Variants in CCDC32 observed in about 807,000 individuals in gnomAD.
CCDC32 encodes coiled-coil domain-containing protein 32.
Under a neutral mutation model 20.1 loss-of-function variants are expected in CCDC32, and 9 were observed. That is an observed-to-expected ratio of 0.45 (90% CI 0.27 to 0.78). The LOEUF (loss-of-function observed/expected upper bound fraction) is 0.78. Ranked by LOEUF, CCDC32 falls within the 30% of genes least tolerant of loss-of-function variation. The probability of loss-of-function intolerance (pLI) is 0.16; values close to 1 mark genes in which losing one functional copy is unlikely to be tolerated. For missense variants in CCDC32, 204 were observed against 215.5 expected (o/e 0.95, Z 0.33); for synonymous variants, 63 against 79.0 (o/e 0.80, Z 1.07).
intron 3 of CCDC32, among the ~76,000 whole-genome samples, chr15:40,545,855 A>G (rs943827002): frequency 2.0e-5 from 3 of 152,006 alleles, no homozygotes. Context: ...TCCCATATCC[A>G]CTTCTCTCTA....
downstream of CCDC32, among the ~76,000 whole-genome samples, chr15:40,530,583 G>A (rs553195778): frequency 6.6e-6 from 1 of 150,502 alleles, no homozygotes; most frequent in Non-Finnish European, 1.5e-5. Context: ...CACTAGGTCC[G>A]CTTTGCCTTC....
downstream of CCDC32, among the ~76,000 whole-genome samples, chr15:40,550,321 T>A (rs184118278): frequency 2.5e-3 from 382 of 152,356 alleles, 2 homozygotes; most frequent in African/African-American, 8.9e-3. Context: ...ATAAGTAAGA[T>A]TCTACCAACT....
intron 3 of CCDC32, among the ~76,000 whole-genome samples, chr15:40,547,397 C>T (rs1285398455): frequency 6.6e-6 from 1 of 152,062 alleles, no homozygotes; most frequent in African/African-American, 2.4e-5. Flanking sequence ...CCTAGGCACC[C>T]GAGCTTCAGC....
intron 3 of CCDC32, among the ~76,000 whole-genome samples, chr15:40,528,988 T>G (rs537289579): frequency 2.6e-5 from 4 of 152,290 alleles, no homozygotes; most frequent in African/African-American, 9.6e-5. Flanking sequence ...GGGGACCCAG[T>G]AGGCAGCTAA....
chr15:40,542,607 G>A (rs958483515), intron 3 of CCDC32, among the ~76,000 whole-genome samples: 1 of 152,230 alleles, frequency 6.6e-6, no homozygotes, highest in African/African-American at 2.4e-5. Context: ...AGTGGCTCAT[G>A]CCTGTAATCC....
At chr15:40,521,646 C>G in the CCDC32 span, among the ~76,000 whole-genome samples, 1 of 152,254 alleles carries the variant, frequency 6.6e-6, no homozygotes, top group Admixed American at 6.5e-5. Flanking sequence ...CTCGCAGACT[C>G]TTGTTATTGT....
Position 40,563,025 on chromosome 15 carries a change from G to C in CCDC32, c.-10C>G. On this transcript the variant is annotated splice_region_variant and 5_prime_UTR_variant, in exon 2 of 4. Transcript: ENST00000416810. ...TCTCAAACATTTTCATTTGGAATCT[G>C]AGCTATAAAACAGAAGCTCAAGTGA... is the stretch of plus-strand genomic sequence containing the variant. 2 of 1,613,296 alleles carry C rather than the reference G, an allele frequency of 1.2e-6. No homozygotes were observed. Among genetic ancestry groups the C allele is most frequent in the Non-Finnish European group, 1.7e-6 (2 of 1,179,842 alleles).
At chr15:40,551,564 A>G (rs1310850647), downstream of CCDC32, among the ~76,000 whole-genome samples, 1 of 152,040 alleles carries the variant, frequency 6.6e-6, no homozygotes, top group African/African-American at 2.4e-5. Flanking sequence ...CTGCCAATAA[A>G]ATGCAGTAGG....
chr15:40,523,672 A>C, the CCDC32 span, among the ~76,000 whole-genome samples: 3 of 152,204 alleles, frequency 2.0e-5, no homozygotes, highest in Admixed American at 1.3e-4. Flanking sequence ...ATTAAATAGG[A>C]TATAAAAAGG....
chr15:40,532,530 C>T (rs1888919066), downstream of CCDC32, among the ~76,000 whole-genome samples: 1 of 152,146 alleles, frequency 6.6e-6, no homozygotes, highest in African/African-American at 2.4e-5. Flanking sequence ...AGCCCATCAT[C>T]TTGTCTCCTT....
downstream of CCDC32, among the ~76,000 whole-genome samples, chr15:40,533,452 C>T (rs572811004): frequency 3.3e-5 from 5 of 152,170 alleles, no homozygotes; most frequent in African/African-American, 1.2e-4. Context: ...TGGGTTCAAG[C>T]GATTCTCCTG....
At chr15:40,532,310 A>C, downstream of CCDC32, 2 of 702,986 alleles carry the variant, frequency 2.8e-6, no homozygotes, top group Non-Finnish European at 5.2e-6. Flanking sequence ...CACCTGGAAA[A>C]GAAGAGTACG....
rs375433457 is a variant in CCDC32, at chr15:40,564,976, C to G, written c.-13G>C. 1.4e-5 allele frequency: 9 copies of G among 622,162 alleles called. No homozygotes were observed. In the South Asian group the frequency reaches 1.6e-4, roughly 11 times the overall value. 38.5% of individuals were successfully genotyped at this position (622,162 alleles called of 1,614,324 possible). A position where few individuals can be genotyped will look rare whatever the true frequency, so the allele number is the denominator to read the frequency against. ...GGCACCCCAGCCCCTCCTCACTTAC[C>G]GTAACAGCTGCCCAGTAAACGCTTG... On this transcript the variant is annotated splice_region_variant and 5_prime_UTR_variant, in exon 1 of 4. Coordinates refer to ENST00000416810, the MANE Select transcript of CCDC32 (RefSeq NM_001080792.4).
downstream of CCDC32, chr15:40,534,998 C>T: frequency 1.4e-6 from 1 of 703,768 alleles, no homozygotes; most frequent in Non-Finnish European, 2.6e-6. Flanking sequence ...ACTTGATCTT[C>T]CCGAGCCCAT....
At chr15:40,529,363 AC>A (rs1888810397) in intron 3 of CCDC32, among the ~76,000 whole-genome samples, 1 of 152,230 alleles carries the variant, frequency 6.6e-6, no homozygotes, top group East Asian at 1.9e-4. Context: ...TGAAAATAGT[AC>A]AAATAATAGA....
chr15:40,528,655 T>C (rs944648411), downstream of CCDC32: 25 of 658,612 alleles, frequency 3.8e-5, no homozygotes, highest in East Asian at 6.8e-4. Flanking sequence ...GCAGGGATGT[T>C]ACCCTGGTGA....
downstream of CCDC32, among the ~76,000 whole-genome samples, chr15:40,524,385 T>C (rs1768835700): frequency 6.6e-6 from 1 of 152,098 alleles, no homozygotes; most frequent in East Asian, 1.9e-4. Flanking sequence ...CTCGATCTCC[T>C]GACCTCGTGA....
chr15:40,532,375 A>G (rs56046472), downstream of CCDC32: 20,253 of 696,714 alleles, frequency 0.029, 2,158 homozygotes, highest in African/African-American at 0.27. Context: ...ATGTTTCCAG[A>G]TAGTTCTCTT....
At chr15:40,525,732 T>G (rs1261035732), downstream of CCDC32, among the ~76,000 whole-genome samples, 2 of 152,064 alleles carry the variant, frequency 1.3e-5, no homozygotes, top group East Asian at 3.9e-4. Context: ...CCCTTAAGCT[T>G]TGAGTGCAGA....
Sources: gnomAD v4.1 joint callset for allele counts (sites outside exome capture counted in the v4.1 genomes callset) on GRCh38, gnomAD v4.1.1 for gene constraint, MANE v1.5 for transcripts, NCBI Gene and HGNC (gene_info 2026-07-23, HGNC 2026-07-21) for gene names.